The following NLRC3 variants were observed in gnomAD, a reference collection of about 807,000 sequenced individuals.
The protein encoded by NLRC3 is NLR family CARD domain containing 3.
In NLRC3, 87 loss-of-function variants were observed where a neutral mutation model predicts 91.6. The observed-to-expected ratio is 0.95, with a 90% CI of 0.80 to 1.14. The LOEUF (loss-of-function observed/expected upper bound fraction) is 1.14. Ranked by LOEUF, NLRC3 falls within the 50% of genes most tolerant of loss-of-function variation. The pLI, the probability that NLRC3 is intolerant of heterozygous loss-of-function variation, is 0.00. For synonymous variants in NLRC3, 694 were observed against 625.3 expected, an observed-to-expected ratio of 1.11 and a Z score of -1.64; for missense variants, 1,577 against 1,418.6, an observed-to-expected ratio of 1.11 and a Z score of -1.79.
intron 7 of NLRC3, 27 bp from the exon 8 acceptor site, chr16:3,557,021 CCTT>C: frequency 1.3e-6 from 2 of 1,493,246 alleles, no homozygotes; most frequent in Non-Finnish European, 9.3e-7. Context: ...AGAGACACCT[CCTT>C]CATCTGTCTC....
chr16:3,559,114 T>G (rs2039488733), intron 6 of NLRC3, among the ~76,000 whole-genome samples: 1 of 152,220 alleles, frequency 6.6e-6, no homozygotes, highest in Admixed American at 6.5e-5. Context: ...TTCACTGGAA[T>G]AAAGTCTCTT....
chr16:3,554,341 G>A lies in NLRC3; in HGVS notation c.2184-16C>T, dbSNP rs1263992566. 3 of 1,601,490 alleles carry A rather than the reference G, an allele frequency of 1.9e-6. No homozygotes were observed. The highest frequency in any genetic ancestry group is 1.7e-6 in the Non-Finnish European group (2 of 1,168,920). On this transcript the variant is annotated splice_polypyrimidine_tract_variant and intron_variant, in intron 8 of 19. Transcript: ENST00000359128. ...GCCCTGGAGGCTGCAGAGACAAGAA[G>A]AGGCTCATCACTGATGGAGCAGAAG...
Position 3,566,370 on chromosome 16 carries a change from C to G in NLRC3, c.-87+873G>C, listed in dbSNP as rs1476503560. Among the ~76,000 whole-genome samples the G allele has an allele frequency of 4.6e-5, 7 of 152,024 alleles. 1 individual carries two copies. Among genetic ancestry groups the G allele is most frequent in the Admixed American group, 1.3e-4 (2 of 15,246 alleles). ...CTTTGGGAGGTCGAGGCGGGCAGAT[C>G]ACTTGAGGTCAGGAATTTGAGACCA... On this transcript the variant is annotated intron_variant, in intron 2 of 19. Transcript: ENST00000359128.
rs1235842245 is a variant in NLRC3, at chr16:3,561,723, T to G, written c.1994A>C (p.Asp665Ala). The change falls in exon 6 of 20, where the codon GAC becomes GCC. Residue 665 changes from aspartate (D) to alanine (A), a missense_variant. Asp to Ala is a moderately radical substitution (Grantham distance 126). Coordinates refer to ENST00000359128, the MANE Select transcript of NLRC3 (RefSeq NM_178844.4). ...ELLGSVLSGK[D>A]CRIQKISLAE... ...TTACCTGATCTTCTGAATGCGACAG[T>G]CCTTCCCACTCAGCACGCTGCCCAG... is the stretch of plus-strand genomic sequence containing the variant. 1.2e-6 allele frequency: 2 copies of G among 1,613,078 alleles called. No homozygotes were observed. Among genetic ancestry groups the G allele is most frequent in the Admixed American group, 3.3e-5 (2 of 60,012 alleles).
chr16:3,543,410 G>A lies in NLRC3; in HGVS notation c.2939+15C>T, dbSNP rs567650668. 2 of 1,575,892 alleles carry A rather than the reference G, an allele frequency of 1.3e-6. No individual in the cohort carries two copies. Among genetic ancestry groups the A allele is most frequent in the African/African-American group, 1.3e-5 (1 of 74,302 alleles). ...CTTTGGGCTAAAGACCATAGATGGA[G>A]ACTGGAATACTTACTCGAGAATCTC... On this transcript the variant is annotated intron_variant, in intron 17 of 19. Transcript: ENST00000359128.
At chr16:3,560,804 C>T (rs1255661696) in intron 6 of NLRC3, among the ~76,000 whole-genome samples, 3 of 151,694 alleles carry the variant, frequency 2.0e-5, no homozygotes, top group East Asian at 2.0e-4. Flanking sequence ...GGACTACAGG[C>T]GCCCACCACC....
chr16:3,571,570 C>A (rs2151107485), intron 1 of NLRC3, among the ~76,000 whole-genome samples: 1 of 146,158 alleles, frequency 6.8e-6, no homozygotes, highest in Admixed American at 6.8e-5. Context: ...AAGCAGAATT[C>A]ATGAAGAGGG....
At chr16:3,557,536 C>A in intron 7 of NLRC3, 57 bp downstream of exon 7, 4 of 1,066,432 alleles carry the variant, frequency 3.8e-6, no homozygotes, top group Non-Finnish European at 5.8e-6. Context: ...TCACAAGATG[C>A]CTCACAACTC....
intron 1 of NLRC3, among the ~76,000 whole-genome samples, chr16:3,572,592 G>T (rs2040136848): frequency 6.6e-6 from 1 of 152,142 alleles, no homozygotes; most frequent in Non-Finnish European, 1.5e-5. Context: ...CAGGCCTGTA[G>T]TGGGAATCTT....
rs1456097683 is a variant in NLRC3, at chr16:3,565,159, C to G, written c.-24-99G>C. On this transcript the variant is annotated intron_variant, in intron 3 of 19. Transcript: ENST00000359128. ...CCAGGAACGGGGTCAGGGATCCCCT[C>G]TTCCTCTTTCCTCAGCCTTTGGGTG... 4.4e-6 allele frequency: 4 copies of G among 901,370 alleles called. No homozygotes were observed. The East Asian group carries it at 1.1e-4, about 24-fold the overall frequency. 55.8% of individuals were successfully genotyped at this position (901,370 alleles called of 1,614,324 possible).
At chr16:3,575,903 GCC>G (rs940858666) in intron 1 of NLRC3, among the ~76,000 whole-genome samples, 1 of 152,102 alleles carries the variant, frequency 6.6e-6, no homozygotes, top group African/African-American at 2.4e-5. Flanking sequence ...TCCTGCCCCT[GCC>G]CCCTCCCAGG....
chr16:3,577,055 C>T, intron 1 of NLRC3, 94 bp downstream of exon 1: 1 of 701,446 alleles, frequency 1.4e-6, no homozygotes, highest in South Asian at 1.5e-5. Flanking sequence ...GTCCCCCTCC[C>T]CAGAGTAGCT....
At chr16:3,552,093 CCAT>C (rs1470857335) in intron 10 of NLRC3, 100 bp downstream of exon 10, 4 of 741,042 alleles carry the variant, frequency 5.4e-6, no homozygotes, top group Middle Eastern at 2.5e-4. Context: ...ATTCACCTAT[CCAT>C]CAATCCATCC....
chr16:3,548,788 G>A lies in NLRC3; in HGVS notation c.2604-35C>T, dbSNP rs539326476. The A allele has an allele frequency of 1.4e-5, 21 of 1,472,214 alleles. No individual in the cohort carries two copies. The East Asian group carries it at 4.3e-4, about 30-fold the overall frequency. The allele number at this position is 1,472,214 out of a possible 1,614,324, so 91.2% of individuals were successfully genotyped here. A position where few individuals can be genotyped will look rare whatever the true frequency, so the allele number is the denominator to read the frequency against. ...AGGGAACAGGAGCAAGTGAGCCGGG[G>A]GCCGGCTGTGAAGCCTCCGGTCCTT... is the stretch of plus-strand genomic sequence containing the variant. On this transcript the variant is annotated intron_variant, in intron 13 of 19. Transcript: ENST00000359128.
intron 1 of NLRC3, among the ~76,000 whole-genome samples, chr16:3,570,576 T>G (rs573852257): frequency 3.9e-5 from 6 of 152,212 alleles, no homozygotes; most frequent in African/African-American, 1.4e-4. Flanking sequence ...CCTGGAATTC[T>G]AGGGGGAGGA....
At chr16:3,571,810 C>T (rs902585856) in intron 1 of NLRC3, among the ~76,000 whole-genome samples, 30 of 151,232 alleles carry the variant, frequency 2.0e-4, no homozygotes, top group African/African-American at 5.8e-4. Context: ...CGTGGTGGCA[C>T]GTGCCTGTAG....
intron 5 of NLRC3, among the ~76,000 whole-genome samples, chr16:3,562,435 G>A (rs1246562539): frequency 2.0e-5 from 3 of 152,150 alleles, no homozygotes; most frequent in African/African-American, 7.2e-5. Flanking sequence ...GAGGTCAGGA[G>A]TTTGAGAGCA....
Position 3,565,363 on chromosome 16 carries a change from G to A in NLRC3, c.-69C>T. On this transcript the variant is annotated 5_prime_UTR_variant, in exon 3 of 20. Transcript: ENST00000359128. The stretch of plus-strand genomic sequence containing the variant: ...AGGCTGAGTCACCTCTCTGCGCCTT[G>A]GTGTCTTCATTTGTGACCTGGAAAT... 1.8e-6 allele frequency: 1 copy of A among 564,556 alleles called. No individual in the cohort carries two copies. 35.0% of individuals were successfully genotyped at this position (564,556 alleles called of 1,614,324 possible). A position where few individuals can be genotyped will look rare whatever the true frequency, so the allele number is the denominator to read the frequency against.
intron 17 of NLRC3, 127 bp from the exon 18 acceptor site, chr16:3,542,902 G>A: frequency 1.6e-6 from 1 of 643,682 alleles, no homozygotes. Context: ...GGAGGCCAGG[G>A]CTGTGCCTTC....
Sources: allele counts gnomAD v4.1 joint callset (sites outside exome capture counted in the v4.1 genomes callset), GRCh38; gene constraint gnomAD v4.1.1; transcripts MANE v1.5; gene names NCBI Gene and HGNC (gene_info 2026-07-23, HGNC 2026-07-21).